Variants in N4BP2L2 observed in about 807,000 individuals in gnomAD.
N4BP2L2 encodes the protein NEDD4-binding protein 2-like 2.
A neutral mutation model predicts 56.2 loss-of-function variants in N4BP2L2; 50 were observed. The observed-to-expected ratio is 0.89, with a 90% CI of 0.71 to 1.13. N4BP2L2 has a LOEUF of 1.13. N4BP2L2 is among the 50% of genes most tolerant of loss of function. The probability of loss-of-function intolerance (pLI) is 0.00; values close to 1 mark genes in which losing one functional copy is unlikely to be tolerated. For missense variants in N4BP2L2, 689 were observed against 693.8 expected (o/e 0.99, Z 0.08); for synonymous variants, 203 against 223.6 (o/e 0.91, Z 0.82).
chr13:32,530,110 A>G (rs1014444916), intron 2 of N4BP2L2, among the ~76,000 whole-genome samples: 1 of 152,172 alleles, frequency 6.6e-6, no homozygotes, highest in African/African-American at 2.4e-5. Flanking sequence ...ATTTTCTCAA[A>G]ATAAAAGGTG....
intron 2 of N4BP2L2, among the ~76,000 whole-genome samples, chr13:32,529,553 A>C (rs1016363577): frequency 2.0e-5 from 3 of 152,212 alleles, no homozygotes; most frequent in Non-Finnish European, 2.9e-5. Flanking sequence ...TCAATCACCC[A>C]AAAAGAGATT....
At chr13:32,463,917 C>CAAAAA (rs2080714925) in intron 6 of N4BP2L2, among the ~76,000 whole-genome samples, 5 of 17,132 alleles carry the variant, frequency 2.9e-4, no homozygotes, top group Non-Finnish European at 5.7e-4. Flanking sequence ...CTGCCCATGA[C>CAAAAA]CAAAAAAAAA....
chr13:32,523,571 G>C (rs978157350), intron 3 of N4BP2L2: 1 of 136,738 alleles, frequency 7.3e-6, no homozygotes, highest in Non-Finnish European at 1.5e-5. Context: ...TGTAATCCCA[G>C]CTACTTGGGA....
intron 6 of N4BP2L2, among the ~76,000 whole-genome samples, chr13:32,467,642 C>G (rs1392932099): frequency 2.0e-5 from 3 of 151,204 alleles, no homozygotes; most frequent in Admixed American, 6.6e-5. Context: ...TTAGTTATAA[C>G]ATTAATATAG....
chr13:32,484,432 T>C (rs2085437097), intron 6 of N4BP2L2, among the ~76,000 whole-genome samples: 1 of 152,108 alleles, frequency 6.6e-6, no homozygotes, highest in Admixed American at 6.5e-5. Context: ...TAGCTAAAGG[T>C]TTTTCATCTT....
exon 6 of N4BP2L2, chr13:32,517,621 T>A (rs929710518): frequency 1.4e-6 from 2 of 1,390,618 alleles, no homozygotes. Flanking sequence ...ACATTTAAAA[T>A]ACAATTTCAT....
chr13:32,504,105 T>C (rs906793526), intron 6 of N4BP2L2, among the ~76,000 whole-genome samples: 2 of 152,188 alleles, frequency 1.3e-5, no homozygotes, highest in Non-Finnish European at 2.9e-5. Context: ...ATATAACAGA[T>C]GAATTAGGAC....
chr13:32,436,297 C>A, intron 9 of N4BP2L2: 3 of 806,500 alleles, frequency 3.7e-6, no homozygotes, highest in East Asian at 3.1e-5. Flanking sequence ...CTATTACAAA[C>A]AAATAATGTC....
chr13:32,474,812 CTT>C (rs1435583840), intron 6 of N4BP2L2, among the ~76,000 whole-genome samples: 6 of 152,180 alleles, frequency 3.9e-5, no homozygotes, highest in Non-Finnish European at 8.8e-5. Flanking sequence ...GTTAAATAAA[CTT>C]AAGTAGCATT....
chr13:32,441,161 T>C (rs893182165), intron 7 of N4BP2L2, among the ~76,000 whole-genome samples: 1 of 152,136 alleles, frequency 6.6e-6, no homozygotes, highest in Non-Finnish European at 1.5e-5. Flanking sequence ...AGCCCCAAAA[T>C]AACAACCTTA....
chr13:32,449,465 A>G (rs2077542764), intron 6 of N4BP2L2, among the ~76,000 whole-genome samples: 1 of 152,236 alleles, frequency 6.6e-6, no homozygotes, highest in Non-Finnish European at 1.5e-5. Flanking sequence ...TTATGCATGA[A>G]AAAAGTTAAA....
rs748338845 is a variant in N4BP2L2, at chr13:32,442,757, A to G, written c.1735T>C (p.Tyr579His). The G allele has an allele frequency of 6.8e-6, 11 of 1,613,520 alleles. No homozygotes were observed. In the East Asian group the frequency reaches 2.2e-4, roughly 33 times the overall value. ...TTATGTAGCACAAAAGAAGGAATAT[A>G]ATTTTTGTATAAAGATGCAGAGCAC... The change falls in exon 7 of 10, where the codon TAT becomes CAT. Residue 579 changes from tyrosine (Y) to histidine (H), a missense_variant. Coordinates refer to the N4BP2L2 transcript ENST00000357505.
intron 6 of N4BP2L2, among the ~76,000 whole-genome samples, chr13:32,471,731 G>T (rs571928758): frequency 6.6e-6 from 1 of 152,222 alleles, no homozygotes; most frequent in Non-Finnish European, 1.5e-5. Context: ...GAGCTGCTGC[G>T]AGAGAGCTGC....
chr13:32,522,211 C>G (rs2051154836), exon 4 of N4BP2L2: 1 of 1,571,300 alleles, frequency 6.4e-7, no homozygotes, highest in Non-Finnish European at 8.6e-7. Context: ...ATTTCCCAAG[C>G]TTGTATATTA....
chr13:32,464,226 AGTT>A lies in N4BP2L2; in HGVS notation c.366-20103_366-20101del, dbSNP rs530933819. On this transcript the variant is annotated intron_variant, in intron 6 of 9. Coordinates refer to the N4BP2L2 transcript ENST00000357505. Reference sequence around the variant, plus strand: ...GGAGGGAACAGAGATATATGAGAAAAGTTGTTGTATGTAATTGAAACTAAGTTG... The same window carrying A: ...GGAGGGAACAGAGATATATGAGAAAAGTTGTATGTAATTGAAACTAAGTTG... 2.4e-3 allele frequency among the ~76,000 whole-genome samples: 371 copies of A among 152,320 alleles called. 1 individual carries two copies. The highest frequency in any genetic ancestry group is 8.0e-3 in the African/African-American group (333 of 41,574).
intron 6 of N4BP2L2, among the ~76,000 whole-genome samples, chr13:32,476,741 G>C (rs549559322): frequency 3.9e-5 from 6 of 152,144 alleles, no homozygotes; most frequent in African/African-American, 1.2e-4. Context: ...GAAGTACTGT[G>C]GATATACAGC....
At chr13:32,495,577 C>G (rs1318938696) in intron 6 of N4BP2L2, among the ~76,000 whole-genome samples, 2 of 152,156 alleles carry the variant, frequency 1.3e-5, no homozygotes, top group Admixed American at 1.3e-4. Flanking sequence ...CTAGCCAGTC[C>G]AGATTACTGA....
At chr13:32,458,956 T>G (rs991384720) in intron 6 of N4BP2L2, among the ~76,000 whole-genome samples, 1 of 152,094 alleles carries the variant, frequency 6.6e-6, no homozygotes, top group Non-Finnish European at 1.5e-5. Context: ...CAGACAACAA[T>G]GGAATAAAAT....
intron 6 of N4BP2L2, among the ~76,000 whole-genome samples, chr13:32,468,121 G>C (rs1233291240): frequency 1.3e-5 from 2 of 152,056 alleles, no homozygotes; most frequent in Non-Finnish European, 2.9e-5. Flanking sequence ...TAGGAAGTAG[G>C]GGCTAAAGAA....
Sources: allele counts gnomAD v4.1 joint callset (sites outside exome capture counted in the v4.1 genomes callset), GRCh38; gene constraint gnomAD v4.1.1; transcripts MANE v1.5; gene names NCBI Gene and HGNC (gene_info 2026-07-23, HGNC 2026-07-21).